The following EPHA5 variants were observed in gnomAD, a reference collection of about 807,000 sequenced individuals.
The protein encoded by EPHA5 is ephrin type-A receptor 5.
In EPHA5, 60 loss-of-function variants were observed where a neutral mutation model predicts 105.0. The ratio of observed to expected loss-of-function variants is 0.57; its 90% confidence interval spans 0.46 to 0.71. EPHA5 has a LOEUF of 0.71. Ranked by LOEUF, EPHA5 falls within the 30% of genes least tolerant of loss-of-function variation. The probability of loss-of-function intolerance (pLI) is 0.00; values close to 1 mark genes in which losing one functional copy is unlikely to be tolerated. For synonymous variants in EPHA5, 513 were observed against 449.1 expected (o/e 1.14, Z -1.80); for missense variants, 1,218 against 1,274.7 (o/e 0.96, Z 0.68).
chr4:65,625,213 T>C (rs748241059), intron 2 of EPHA5, among the ~76,000 whole-genome samples: 1 of 152,128 alleles, frequency 6.6e-6, no homozygotes, highest in Non-Finnish European at 1.5e-5. Context: ...AGAACAAATC[T>C]ATTGAATGGA....
Position 65,366,034 on chromosome 4 carries a change from A to G in EPHA5, c.1885T>C (p.Tyr629His), listed in dbSNP as rs754840138. Residue 629 changes from tyrosine (Y) to histidine (H), a missense_variant, in exon 10 of 17, where the codon TAC becomes CAC. Tyr to His is a moderately conservative substitution (Grantham distance 83, BLOSUM62 2). Around this residue, in one of 3 missense-constraint regions of EPHA5, gnomAD observed 971 missense variants for 1,013.5 expected, o/e 0.96. Transcript: ENST00000613740. Reference sequence around the variant, plus strand: ...TCCTCATAGGTATGTGGATCAATGTAAGTTCTTACTCCTGGCAGTTTAACT... The same window carrying G: ...TCCTCATAGGTATGTGGATCAATGTGAGTTCTTACTCCTGGCAGTTTAACT... ...GHIKLPGVRTYIDPHTYEDPN... is the reference protein window; with the variant it reads ...GHIKLPGVRTHIDPHTYEDPN... 1.2e-5 allele frequency: 19 copies of G among 1,597,580 alleles called. No individual in the cohort carries two copies. Among genetic ancestry groups the G allele is most frequent in the Non-Finnish European group, 1.6e-5 (19 of 1,168,466 alleles).
intron 5 of EPHA5, among the ~76,000 whole-genome samples, chr4:65,436,127 C>T (rs62298041): frequency 0.099 from 15,091 of 151,880 alleles, 970 homozygotes; most frequent in Middle Eastern, 0.22. Context: ...ATGAGAGTTG[C>T]TTAATTTGAC....
At chr4:65,357,926 A>G (rs1050415403) in intron 11 of EPHA5, among the ~76,000 whole-genome samples, 25 of 151,482 alleles carry the variant, frequency 1.7e-4, no homozygotes, top group Middle Eastern at 3.4e-3. Flanking sequence ...AGAGAAGAGA[A>G]TATGCCGTTC....
chr4:65,445,836 C>G (rs1726465573), intron 5 of EPHA5, among the ~76,000 whole-genome samples: 1 of 152,140 alleles, frequency 6.6e-6, no homozygotes, highest in Non-Finnish European at 1.5e-5. Context: ...ACAATTTCTT[C>G]TTTTATCTTC....
At chr4:65,341,716 T>A (rs922809538) in intron 14 of EPHA5, among the ~76,000 whole-genome samples, 2 of 151,876 alleles carry the variant, frequency 1.3e-5, no homozygotes, top group African/African-American at 4.8e-5. Flanking sequence ...GAAAACTGAG[T>A]GGCAGGAAGA....
intron 3 of EPHA5, among the ~76,000 whole-genome samples, chr4:65,587,720 C>A (rs12506403): frequency 0.24 from 36,794 of 152,110 alleles, 5,287 homozygotes; most frequent in Middle Eastern, 0.39. Flanking sequence ...CTTACGCATT[C>A]TTTGCTTTGC....
At chr4:65,629,247 T>A (rs1746417059) in intron 2 of EPHA5, among the ~76,000 whole-genome samples, 1 of 152,220 alleles carries the variant, frequency 6.6e-6, no homozygotes, top group South Asian at 2.1e-4. Flanking sequence ...GCACAAGGAC[T>A]TTCAGAACCA....
At chr4:65,643,487 T>G in intron 1 of EPHA5, 60 bp from the exon 2 acceptor site, 37 of 1,350,484 alleles carry the variant, frequency 2.7e-5, no homozygotes, top group Non-Finnish European at 3.4e-5. Flanking sequence ...ATTGTATCTC[T>G]ATTTTAATAG....
chr4:65,558,713 C>T (rs1161784384), intron 3 of EPHA5, among the ~76,000 whole-genome samples: 1 of 151,900 alleles, frequency 6.6e-6, no homozygotes, highest in Non-Finnish European at 1.5e-5. Flanking sequence ...CACAACAGGC[C>T]CTGGTGTGTG....
chr4:65,365,689 A>ATATATT lies in EPHA5; in HGVS notation c.1987+242_1987+243insAATATA, dbSNP rs765636669. On this transcript the variant is annotated intron_variant, in intron 10 of 16. Transcript: ENST00000613740. ...TATATATATATATATATATATATAT[A>ATATATT]GTGAAACATTATCTATTTAAAATAT... is the stretch of plus-strand genomic sequence containing the variant. Among the ~76,000 whole-genome samples, 530 of 93,784 alleles carry ATATATT rather than the reference A, an allele frequency of 5.7e-3. 63 individuals are homozygous for ATATATT. The highest frequency in any genetic ancestry group is 0.017 in the East Asian group (46 of 2,666). 61.5% of individuals were successfully genotyped at this position (93,784 alleles called of 152,430 possible). A position where few individuals can be genotyped will look rare whatever the true frequency, so the allele number is the denominator to read the frequency against.
intron 3 of EPHA5, among the ~76,000 whole-genome samples, chr4:65,591,590 T>C (rs573879350): frequency 6.6e-4 from 100 of 151,860 alleles, no homozygotes; most frequent in Non-Finnish European, 1.2e-3. Flanking sequence ...TTTGCCTACA[T>C]TAATTTTAAT....
At chr4:65,465,028 G>C (rs1048742646) in intron 5 of EPHA5, among the ~76,000 whole-genome samples, 57 of 152,266 alleles carry the variant, frequency 3.7e-4, no homozygotes, top group African/African-American at 1.3e-3. Flanking sequence ...TTATGTAAGA[G>C]TGATGAAATT....
At chr4:65,407,747 T>C in intron 7 of EPHA5, among the ~76,000 whole-genome samples, 1 of 151,538 alleles carries the variant, frequency 6.6e-6, no homozygotes, top group Non-Finnish European at 1.5e-5. Flanking sequence ...AAGTCCTTGA[T>C]GGGTTTTACA....
intron 3 of EPHA5, among the ~76,000 whole-genome samples, chr4:65,509,267 A>G (rs1307220123): frequency 2.0e-5 from 3 of 152,182 alleles, no homozygotes; most frequent in Admixed American, 2.0e-4. Flanking sequence ...TAAAAGTTTC[A>G]ACCAGGTAAA....
At chr4:65,369,432 A>G (rs1340802434) in intron 8 of EPHA5, among the ~76,000 whole-genome samples, 1 of 152,186 alleles carries the variant, frequency 6.6e-6, no homozygotes, top group African/African-American at 2.4e-5. Context: ...AAGACAGCCA[A>G]ATGACAGACT....
chr4:65,452,301 T>A lies in EPHA5; in HGVS notation c.1403-31736A>T, dbSNP rs561406079. On this transcript the variant is annotated intron_variant, in intron 5 of 16. Coordinates refer to ENST00000613740, the MANE Select transcript of EPHA5 (RefSeq NM_001281766.3). ...TACAATTTTTTAAATGCAAATAGAT[T>A]AACGCATTTATTTTCCTATGAGACA... Among the ~76,000 whole-genome samples the A allele has an allele frequency of 2.6e-5, 4 of 152,216 alleles. No individual in the cohort carries two copies. In the East Asian group the frequency reaches 7.7e-4, roughly 29 times the overall value.
intron 5 of EPHA5, among the ~76,000 whole-genome samples, chr4:65,471,580 C>T (rs900751347): frequency 6.6e-6 from 1 of 152,106 alleles, no homozygotes; most frequent in Non-Finnish European, 1.5e-5. Flanking sequence ...CTTACAGTTC[C>T]ACATGGCTGG....
At chr4:65,545,185 A>T (rs1737254516) in intron 3 of EPHA5, among the ~76,000 whole-genome samples, 1 of 151,966 alleles carries the variant, frequency 6.6e-6, no homozygotes, top group Non-Finnish European at 1.5e-5. Context: ...GTAATATGAC[A>T]TCGGAGAATC....
At chr4:65,446,975 A>ATTT (rs397993760) in intron 5 of EPHA5, among the ~76,000 whole-genome samples, 57 of 112,914 alleles carry the variant, frequency 5.0e-4, no homozygotes, top group African/African-American at 7.8e-4. Flanking sequence ...TTAAAAGCTC[A>ATTT]TTTTTTTTTT....
Sources: allele counts gnomAD v4.1 joint callset (sites outside exome capture counted in the v4.1 genomes callset), GRCh38; gene constraint gnomAD v4.1.1; regional missense constraint gnomAD v4.1.1; transcripts MANE v1.5; gene names NCBI Gene and HGNC (gene_info 2026-07-23, HGNC 2026-07-21).